SGCZ: variants seen among roughly 807,000 people sequenced by gnomAD.
SGCZ encodes the protein zeta-sarcoglycan.
Under a neutral mutation model 41.3 loss-of-function variants are expected in SGCZ, and 40 were observed. That is an observed-to-expected ratio of 0.97 (90% CI 0.75 to 1.26). The LOEUF (loss-of-function observed/expected upper bound fraction) is 1.26, where lower values mean the gene tolerates loss of function less well. Ranked by LOEUF, SGCZ falls within the 50% of genes most tolerant of loss-of-function variation. The pLI is 0.00. For synonymous variants in SGCZ, 206 were observed against 137.5 expected (o/e 1.50, Z -3.49); for missense variants, 552 against 369.8 (o/e 1.49, Z -4.04).
chr8:14,506,058 C>T (rs1213765770), intron 2 of SGCZ, among the ~76,000 whole-genome samples: 2 of 151,852 alleles, frequency 1.3e-5, no homozygotes, highest in African/African-American at 4.8e-5. Context: ...ATTTTCTGGG[C>T]CAGGTGCAGT....
At chr8:15,097,735 A>ATATAT (rs34158641) in intron 1 of SGCZ, among the ~76,000 whole-genome samples, 2 of 133,356 alleles carry the variant, frequency 1.5e-5, no homozygotes, top group African/African-American at 5.6e-5. Context: ...TAAAAAAAAA[A>ATATAT]ATATATATAT....
intron 1 of SGCZ, among the ~76,000 whole-genome samples, chr8:15,195,950 T>C (rs1469568529): frequency 8.6e-6 from 1 of 116,748 alleles, no homozygotes; most frequent in Non-Finnish European, 1.8e-5. Context: ...CAGGCTGGAG[T>C]GCAGTGGCGC....
At position 14,086,426 on chromosome 8, in the gene SGCZ, C is replaced by T. The variant is rs1433983882; in HGVS notation, c.*4017G>A. Among the ~76,000 whole-genome samples the T allele has an allele frequency of 4.6e-5, 7 of 151,510 alleles. No homozygotes were observed. The highest frequency in any genetic ancestry group is 4.1e-4 in the South Asian group (2 of 4,826). On this transcript the variant is annotated 3_prime_UTR_variant, in exon 8 of 8. Coordinates refer to ENST00000382080, the MANE Select transcript of SGCZ (RefSeq NM_139167.4). ...TGTATCAAATGCTATTTTTGTAAAA[C>T]GAGGCATTCTCTGATTGAGTCATTC...
intron 2 of SGCZ, among the ~76,000 whole-genome samples, chr8:14,386,760 C>T (rs1476737436): frequency 2.6e-5 from 4 of 152,074 alleles, no homozygotes; most frequent in Non-Finnish European, 4.4e-5. Context: ...AGCTTAGAAA[C>T]AGAATACTAA....
At chr8:14,939,793 C>G (rs1800208038) in intron 1 of SGCZ, among the ~76,000 whole-genome samples, 1 of 152,082 alleles carries the variant, frequency 6.6e-6, no homozygotes, top group South Asian at 2.1e-4. Context: ...CTACAATTTC[C>G]ACTCACACAC....
chr8:15,187,615 TATA>T (rs1314439922), intron 1 of SGCZ, among the ~76,000 whole-genome samples: 3 of 152,024 alleles, frequency 2.0e-5, no homozygotes, highest in Non-Finnish European at 4.4e-5. Flanking sequence ...AACTTTTTAT[TATA>T]ATAATAACTT....
chr8:14,394,140 C>CCT (rs112444671), intron 2 of SGCZ, among the ~76,000 whole-genome samples: 1 of 143,638 alleles, frequency 7.0e-6, no homozygotes, highest in African/African-American at 2.8e-5. Flanking sequence ...TACCGCCCCC[C>CCT]ACCTTTTTTT....
At chr8:14,500,069 G>C (rs944038554) in intron 2 of SGCZ, among the ~76,000 whole-genome samples, 1 of 151,988 alleles carries the variant, frequency 6.6e-6, no homozygotes, top group Non-Finnish European at 1.5e-5. Context: ...CCATTAAAAG[G>C]GTACTTGAAA....
chr8:14,604,573 C>T (rs906018587), intron 1 of SGCZ, among the ~76,000 whole-genome samples: 1 of 152,076 alleles, frequency 6.6e-6, no homozygotes, highest in African/African-American at 2.4e-5. Context: ...CTACATGTTG[C>T]AATGAGGTGA....
chr8:14,318,004 T>C (rs1801773270), intron 3 of SGCZ, among the ~76,000 whole-genome samples: 1 of 151,954 alleles, frequency 6.6e-6, no homozygotes, highest in Non-Finnish European at 1.5e-5. Flanking sequence ...AGCTAGACTT[T>C]GGGTTTCTTG....
intron 3 of SGCZ, among the ~76,000 whole-genome samples, chr8:14,241,276 T>G (rs1798871417): frequency 6.6e-6 from 1 of 151,786 alleles, no homozygotes; most frequent in African/African-American, 2.4e-5. Context: ...TTATAGTTTA[T>G]TCTTGCTGAG....
chr8:15,040,471 GC>G (rs1025691628), intron 1 of SGCZ, among the ~76,000 whole-genome samples: 1 of 152,030 alleles, frequency 6.6e-6, no homozygotes, highest in African/African-American at 2.4e-5. Flanking sequence ...AAAAAAATTA[GC>G]CGGGAGTGGT....
intron 1 of SGCZ, among the ~76,000 whole-genome samples, chr8:14,643,211 G>A (rs1462971054): frequency 6.6e-6 from 1 of 151,566 alleles, no homozygotes; most frequent in Non-Finnish European, 1.5e-5. Flanking sequence ...CTGAACATAG[G>A]AAGTCAACTC....
At chr8:15,049,503 T>C (rs1265211580) in intron 1 of SGCZ, among the ~76,000 whole-genome samples, 3 of 152,090 alleles carry the variant, frequency 2.0e-5, no homozygotes, top group Non-Finnish European at 2.9e-5. Context: ...AGTAACATGA[T>C]CTACATTTTT....
rs67378130 is a variant in SGCZ at position 15,156,057 on chromosome 8, C to CAAAAAAAAAAA, written c.39+81517_39+81527dup. Among the ~76,000 whole-genome samples the CAAAAAAAAAAA allele has an allele frequency of 2.3e-3, 257 of 110,796 alleles. 7 individuals carry two copies. The highest frequency in any genetic ancestry group is 7.2e-3 in the African/African-American group (191 of 26,438). 72.7% of individuals were successfully genotyped at this position (110,796 alleles called of 152,430 possible). The stretch of plus-strand genomic sequence containing the variant: ...TGGGTGACAGAGTGAGATTCCCTCT[C>CAAAAAAAAAAA]AAAAAAAAAAAAAAAAAATAGAAGA... On this transcript the variant is annotated intron_variant, in intron 1 of 7. Coordinates refer to ENST00000382080, the MANE Select transcript of SGCZ (RefSeq NM_139167.4).
At chr8:14,442,118 A>G (rs986639731) in intron 2 of SGCZ, among the ~76,000 whole-genome samples, 1 of 152,136 alleles carries the variant, frequency 6.6e-6, no homozygotes, top group Non-Finnish European at 1.5e-5. Context: ...GATCACTGAA[A>G]CTTCATAATA....
chr8:14,366,386 G>A (rs1317691902), intron 2 of SGCZ, among the ~76,000 whole-genome samples: 1 of 152,068 alleles, frequency 6.6e-6, no homozygotes, highest in South Asian at 2.1e-4. Context: ...GATCTTGTAA[G>A]AATTCACTCC....
intron 1 of SGCZ, among the ~76,000 whole-genome samples, chr8:14,780,304 G>A (rs1167887421): frequency 6.6e-6 from 1 of 151,428 alleles, no homozygotes; most frequent in Non-Finnish European, 1.5e-5. Flanking sequence ...GAACCCGGGG[G>A]GCAGAGCTTG....
chr8:14,327,330 C>T (rs1168963707), intron 2 of SGCZ, among the ~76,000 whole-genome samples: 1 of 152,120 alleles, frequency 6.6e-6, no homozygotes, highest in African/African-American at 2.4e-5. Flanking sequence ...TTAATTAGAA[C>T]CTATAACATG....
Sources: gnomAD v4.1 joint callset for allele counts (sites outside exome capture counted in the v4.1 genomes callset) on GRCh38, gnomAD v4.1.1 for gene constraint, MANE v1.5 for transcripts, NCBI Gene and HGNC (gene_info 2026-07-23, HGNC 2026-07-21) for gene names.